TENM2: variants seen among roughly 807,000 people sequenced by gnomAD.
TENM2 encodes teneurin-2.
A neutral mutation model predicts 245.2 loss-of-function variants in TENM2; 52 were observed. That is an observed-to-expected ratio of 0.21 (90% CI 0.17 to 0.27). The LOEUF is 0.27. Ranked by LOEUF, TENM2 falls within the 10% of genes least tolerant of loss-of-function variation. The pLI is 1.00. For synonymous variants in TENM2, 1,363 were observed against 1,438.9 expected, an observed-to-expected ratio of 0.95 and a Z score of 1.19; for missense variants, 3,046 against 3,666.8, an observed-to-expected ratio of 0.83 and a Z score of 4.37.
intron 2 of TENM2, among the ~76,000 whole-genome samples, chr5:167,847,625 A>G (rs1277137766): frequency 6.6e-6 from 1 of 152,228 alleles, no homozygotes; most frequent in African/African-American, 2.4e-5. Flanking sequence ...ACTGAAAGTT[A>G]GCGCATCTCC....
At chr5:167,300,092 T>G (rs1581693412) in intron 1 of TENM2, among the ~76,000 whole-genome samples, 1 of 152,130 alleles carries the variant, frequency 6.6e-6, no homozygotes, top group East Asian at 1.9e-4. Context: ...TCCTGGCTCT[T>G]GTGTAAGGAT....
intron 2 of TENM2, among the ~76,000 whole-genome samples, chr5:167,500,061 G>GGGGT (rs112130477): frequency 0.034 from 5,004 of 148,096 alleles, 140 homozygotes; most frequent in Non-Finnish European, 0.051. Flanking sequence ...TATATATGAG[G>GGGGT]GTGTGTGTGT....
chr5:167,222,186 A>T, the TENM2 span, among the ~76,000 whole-genome samples: 1 of 152,200 alleles, frequency 6.6e-6, no homozygotes, highest in East Asian at 1.9e-4. Flanking sequence ...TGTATTTGTG[A>T]TAAAAAGATC....
At chr5:166,996,218 T>C in the TENM2 span, among the ~76,000 whole-genome samples, 1 of 151,840 alleles carries the variant, frequency 6.6e-6, no homozygotes, top group South Asian at 2.1e-4. Flanking sequence ...TGGCGGGCGC[T>C]TGTAGTCCCG....
At chr5:167,776,530 G>A (rs975305038) in intron 2 of TENM2, among the ~76,000 whole-genome samples, 1 of 126,804 alleles carries the variant, frequency 7.9e-6, no homozygotes, top group South Asian at 2.7e-4. Context: ...GGGAGGTCAA[G>A]GCTGCAGTTA....
In TENM2 at chr5:167,716,618, A is replaced by G. The variant is rs11750384; in HGVS notation, c.503-159368A>G. On this transcript the variant is annotated intron_variant, in intron 2 of 28. Coordinates refer to ENST00000518659, the Ensembl canonical transcript of TENM2. ...AAAAAGTTGCATTTTATTTGTTTTTAATAAATAAAATGAGCTTTACAGCTT... is the reference window on the plus strand; with the variant it reads ...AAAAAGTTGCATTTTATTTGTTTTTGATAAATAAAATGAGCTTTACAGCTT... Among the ~76,000 whole-genome samples the G allele has an allele frequency of 7.2e-3, 1,092 of 152,286 alleles. 16 individuals are homozygous for G. Among genetic ancestry groups the G allele is most frequent in the Non-Finnish European group, 9.2e-3 (629 of 68,012 alleles).
intron 2 of TENM2, among the ~76,000 whole-genome samples, chr5:167,644,426 G>A (rs973961812): frequency 6.6e-6 from 1 of 152,158 alleles, no homozygotes; most frequent in Admixed American, 6.5e-5. Context: ...TCCAAGGATG[G>A]TGTGGATTTC....
At chr5:166,982,659 G>A in the TENM2 span, among the ~76,000 whole-genome samples, 1 of 151,998 alleles carries the variant, frequency 6.6e-6, no homozygotes, top group Admixed American at 6.6e-5. Context: ...CAACAGTTTT[G>A]TTCTTTGAAC....
intron 7 of TENM2, among the ~76,000 whole-genome samples, chr5:168,085,025 ACT>A (rs1405444220): frequency 6.6e-6 from 1 of 152,054 alleles, no homozygotes; most frequent in Non-Finnish European, 1.5e-5. Context: ...AATTGTTAAA[ACT>A]CATGCAAATC....
intron 2 of TENM2, among the ~76,000 whole-genome samples, chr5:167,519,802 AAC>A (rs954642715): frequency 2.6e-5 from 4 of 152,142 alleles, no homozygotes; most frequent in South Asian, 2.1e-4. Context: ...TTGTTTTTTA[AAC>A]ACACACAAAC....
chr5:168,198,890 C>T, exon 16 of TENM2: 1 of 1,614,030 alleles, frequency 6.2e-7, no homozygotes, highest in Non-Finnish European at 8.5e-7. Flanking sequence ...TTCCTTGACT[C>T]TACACTTTGA....
intron 13 of TENM2, among the ~76,000 whole-genome samples, chr5:168,173,691 C>T (rs906242900): frequency 7.9e-5 from 12 of 152,160 alleles, no homozygotes; most frequent in African/African-American, 2.9e-4. Flanking sequence ...ATGAATAAGA[C>T]TCAAACTCCG....
At position 168,016,023 on chromosome 5, in the gene TENM2, T is replaced by C. The variant is rs746467446; in HGVS notation, c.1186+22841T>C. On this transcript the variant is annotated intron_variant, in intron 5 of 28. Transcript: ENST00000518659. The stretch of plus-strand genomic sequence containing the variant: ...GGCCTATATTCCCCTCCTTCTGCAC[T>C]GTTAACCTGAGCTGCAACCAGGGAC... Among the ~76,000 whole-genome samples, 231 of 152,328 alleles carry C rather than the reference T, an allele frequency of 1.5e-3. 2 individuals carry two copies. Among genetic ancestry groups the C allele is most frequent in the Non-Finnish European group, 8.4e-4 (57 of 68,028 alleles).
Position 168,108,713 on chromosome 5 carries a change from A to AC in TENM2, c.1814-9573dup, listed in dbSNP as rs1398389355. 5.3e-5 allele frequency among the ~76,000 whole-genome samples: 8 copies of AC among 151,964 alleles called. No individual in the cohort carries two copies. In the East Asian group the frequency reaches 1.2e-3, roughly 22 times the overall value. On this transcript the variant is annotated intron_variant, in intron 9 of 28. Coordinates refer to ENST00000518659, the Ensembl canonical transcript of TENM2. The stretch of plus-strand genomic sequence containing the variant: ...TCCAAAAGAGAGATGTGGCAGGAAG[A>AC]CCCCCCAAATCCAGGGCAGTGTGAC...
chr5:167,300,149 G>A lies in TENM2; in HGVS notation c.226+15086G>A, dbSNP rs571471314. Among the ~76,000 whole-genome samples, 33 of 152,278 alleles carry A rather than the reference G, an allele frequency of 2.2e-4. No homozygotes were observed. The South Asian group carries it at 6.0e-3, about 28-fold the overall frequency. On this transcript the variant is annotated intron_variant, in intron 1 of 28. Coordinates refer to ENST00000518659, the Ensembl canonical transcript of TENM2. The stretch of plus-strand genomic sequence containing the variant: ...TAGGAAGGAAAGGAGTTGTTGTTTT[G>A]TAAGGGATTGAGGTTTGGGAGATTA...
chr5:167,139,545 A>G, the TENM2 span, among the ~76,000 whole-genome samples: 6 of 152,242 alleles, frequency 3.9e-5, no homozygotes, highest in Non-Finnish European at 7.3e-5. Context: ...TTGTTTGCCT[A>G]TAATGGTCTT....
chr5:167,435,837 G>A (rs1224813330), intron 2 of TENM2, among the ~76,000 whole-genome samples: 1 of 152,086 alleles, frequency 6.6e-6, no homozygotes, highest in African/African-American at 2.4e-5. Context: ...TTGGGAAGTG[G>A]AGCAAAGGTG....
chr5:167,162,844 A>G, the TENM2 span, among the ~76,000 whole-genome samples: 1 of 152,310 alleles, frequency 6.6e-6, no homozygotes, highest in East Asian at 1.9e-4. Context: ...TTTCTTGCCA[A>G]TGAATTATTT....
rs149426146 is a variant in TENM2 at position 167,419,062 on chromosome 5, G to A, written c.502+43589G>A. Among the ~76,000 whole-genome samples the A allele has an allele frequency of 1.6e-3, 244 of 151,914 alleles. 4 individuals are homozygous for A. Among genetic ancestry groups the A allele is most frequent in the African/African-American group, 4.9e-3 (202 of 41,424 alleles). ...AAATTATGTATATATTTACATATACGTTTCATATCATAAAATACAACATAC... is the reference window on the plus strand; with the variant it reads ...AAATTATGTATATATTTACATATACATTTCATATCATAAAATACAACATAC... On this transcript the variant is annotated intron_variant, in intron 2 of 28. Coordinates refer to ENST00000518659, the Ensembl canonical transcript of TENM2.
Sources: gnomAD v4.1 joint callset for allele counts (sites outside exome capture counted in the v4.1 genomes callset) on GRCh38, gnomAD v4.1.1 for gene constraint, MANE v1.5 for transcripts, NCBI Gene and HGNC (gene_info 2026-07-23, HGNC 2026-07-21) for gene names.